The following CNBD1 variants were observed in gnomAD, a reference collection of about 807,000 sequenced individuals.
CNBD1 encodes the protein cyclic nucleotide binding domain containing 1, also known as cyclic nucleotide-binding domain-containing protein 1.
In CNBD1, 71 loss-of-function variants were observed where a neutral mutation model predicts 54.4. The ratio of observed to expected loss-of-function variants is 1.30; its 90% confidence interval spans 1.08 to 1.59. The LOEUF is 1.59. CNBD1 is among the 40% of genes most tolerant of loss of function. The pLI, the probability that CNBD1 is intolerant of heterozygous loss-of-function variation, is 0.00. For synonymous variants in CNBD1, 182 were observed against 170.7 expected, an observed-to-expected ratio of 1.07 and a Z score of -0.51; for missense variants, 659 against 518.0, an observed-to-expected ratio of 1.27 and a Z score of -2.64.
At chr8:87,411,635 A>C (rs1807748617) in intron 2 of CNBD1, among the ~76,000 whole-genome samples, 1 of 148,404 alleles carries the variant, frequency 6.7e-6, no homozygotes, top group Non-Finnish European at 1.5e-5. Flanking sequence ...TTCTGGCATA[A>C]GACATGTGTT....
chr8:86,991,199 C>G (rs7003658), intron 4 of CNBD1, among the ~76,000 whole-genome samples: 143,905 of 152,204 alleles, frequency 0.95, 68,138 homozygotes, highest in East Asian at 1. Flanking sequence ...GCTCTGTCTA[C>G]GATTCCTAGT....
At chr8:87,380,304 C>G (rs1269837944) in intron 10 of CNBD1, among the ~76,000 whole-genome samples, 1 of 151,452 alleles carries the variant, frequency 6.6e-6, no homozygotes, top group Non-Finnish European at 1.5e-5. Flanking sequence ...TTCTTGGCAC[C>G]CTTGTTGAAT....
chr8:87,235,751 G>C (rs958189880), intron 5 of CNBD1, among the ~76,000 whole-genome samples: 1 of 152,160 alleles, frequency 6.6e-6, no homozygotes, highest in Non-Finnish European at 1.5e-5. Flanking sequence ...AGCACATGCT[G>C]TTGGAAAAAT....
At chr8:86,941,685 G>A (rs940536507) in intron 4 of CNBD1, among the ~76,000 whole-genome samples, 20 of 152,154 alleles carry the variant, frequency 1.3e-4, no homozygotes, top group Non-Finnish European at 4.4e-5. Flanking sequence ...AACTACAAAT[G>A]GGTAAGAAGC....
intron 5 of CNBD1, among the ~76,000 whole-genome samples, chr8:87,231,524 A>G (rs1040481429): frequency 6.6e-6 from 1 of 152,216 alleles, no homozygotes; most frequent in Non-Finnish European, 1.5e-5. Flanking sequence ...AAGCAATCAC[A>G]GTGCCTGACT....
In CNBD1 at chr8:86,866,539, C is replaced by T. The variant is rs1470903279; in HGVS notation, c.44C>T (p.Thr15Ile). ...CCAGCAGCTATTTTGTCTCACATGACAGCTATTAACAATGTGCCTCCTCCT... is the reference window on the plus strand; with the variant it reads ...CCAGCAGCTATTTTGTCTCACATGATAGCTATTAACAATGTGCCTCCTCCT... The part of the protein sequence containing the change: ...SLPAAILSHM[T>I]AINNVPPPPL... The change falls in exon 1 of 11, where the codon ACA becomes ATA. Residue 15 changes from threonine (T) to isoleucine (I), a missense_variant. Physicochemically the swap from Thr to Ile is moderately conservative, Grantham distance 89. Coordinates refer to ENST00000518476, the MANE Select transcript of CNBD1 (RefSeq NM_173538.3). The T allele has an allele frequency of 6.2e-7, 1 of 1,612,152 alleles. No individual in the cohort carries two copies. Among genetic ancestry groups the T allele is most frequent in the East Asian group, 2.2e-5 (1 of 44,832 alleles).
intron 1 of CNBD1, among the ~76,000 whole-genome samples, chr8:86,872,243 G>T (rs1808452910): frequency 6.6e-6 from 1 of 151,974 alleles, no homozygotes; most frequent in East Asian, 1.9e-4. Flanking sequence ...CCTGTGTTTG[G>T]GGTTCCCTTT....
intron 10 of CNBD1, among the ~76,000 whole-genome samples, chr8:87,379,052 G>T (rs894651590): frequency 6.6e-6 from 1 of 150,670 alleles, no homozygotes. Flanking sequence ...AGGAGATTTG[G>T]GGCTGAGACA....
chr8:87,174,180 G>A (rs903938156), intron 4 of CNBD1, among the ~76,000 whole-genome samples: 5 of 151,906 alleles, frequency 3.3e-5, no homozygotes, highest in East Asian at 1.9e-4. Flanking sequence ...GGATGGTCTC[G>A]ATCTCTTGAC....
At chr8:87,406,788 A>T (rs555408214) in intron 2 of CNBD1, among the ~76,000 whole-genome samples, 7 of 152,126 alleles carry the variant, frequency 4.6e-5, no homozygotes, top group Non-Finnish European at 8.8e-5. Context: ...CTCAGTTTAC[A>T]TATTAATTCA....
rs147820046 is a variant in CNBD1, at chr8:86,933,295, G to A, written c.273-6301G>A. Among the ~76,000 whole-genome samples the A allele has an allele frequency of 7.0e-3, 1,062 of 151,930 alleles. 32 individuals carry two copies. Among genetic ancestry groups the A allele is most frequent in the Admixed American group, 0.05 (758 of 15,224 alleles). Reference sequence around the variant, plus strand: ...AAGTTTGTATACAAAACAAAAAACCGAACAAACTTAACAAAAATCCAATTC... The same window carrying A: ...AAGTTTGTATACAAAACAAAAAACCAAACAAACTTAACAAAAATCCAATTC... On this transcript the variant is annotated intron_variant, in intron 3 of 10. Coordinates refer to ENST00000518476, the MANE Select transcript of CNBD1 (RefSeq NM_173538.3).
At chr8:87,315,597 G>T (rs1183960553) in intron 8 of CNBD1, among the ~76,000 whole-genome samples, 9 of 151,838 alleles carry the variant, frequency 5.9e-5, no homozygotes, top group African/African-American at 2.2e-4. Flanking sequence ...TTACCCCGAA[G>T]GATGGCATTA....
intron 4 of CNBD1, among the ~76,000 whole-genome samples, chr8:87,002,440 A>G (rs990238341): frequency 6.6e-6 from 1 of 152,126 alleles, no homozygotes; most frequent in Non-Finnish European, 1.5e-5. Flanking sequence ...AGTGTGGTAC[A>G]TGTTTTTCCC....
At chr8:87,013,829 A>T (rs1809275539) in intron 4 of CNBD1, among the ~76,000 whole-genome samples, 1 of 151,712 alleles carries the variant, frequency 6.6e-6, no homozygotes, top group African/African-American at 2.4e-5. Flanking sequence ...GGCACACCGA[A>T]CTTTTTCTCC....
chr8:87,293,118 A>AT (rs1172981627), intron 8 of CNBD1, among the ~76,000 whole-genome samples: 2 of 152,006 alleles, frequency 1.3e-5, no homozygotes, highest in African/African-American at 4.8e-5. Flanking sequence ...TTTTTTCAAC[A>AT]TTTTTTCATT....
intron 3 of CNBD1, among the ~76,000 whole-genome samples, chr8:86,907,270 A>G (rs1809031733): frequency 6.6e-6 from 1 of 152,226 alleles, no homozygotes; most frequent in South Asian, 2.1e-4. Context: ...ACTGTTGTGA[A>G]TTTGCCAATC....
In CNBD1 at chr8:86,958,416, T is replaced by C. The variant is rs564033837; in HGVS notation, c.431+18662T>C. Reference sequence around the variant, plus strand: ...TTCCTGTCTTGTTGTCTGTTTAATGTTGACAGTTGGGTGTTAAAGTCTCCC... The same window carrying C: ...TTCCTGTCTTGTTGTCTGTTTAATGCTGACAGTTGGGTGTTAAAGTCTCCC... On this transcript the variant is annotated intron_variant, in intron 4 of 10. Transcript: ENST00000518476. Among the ~76,000 whole-genome samples the C allele has an allele frequency of 2.0e-5, 3 of 152,348 alleles. No homozygotes were observed. The South Asian group carries it at 6.2e-4, about 32-fold the overall frequency.
chr8:87,080,109 C>T lies in CNBD1; in HGVS notation c.432-125884C>T, dbSNP rs150409394. Among the ~76,000 whole-genome samples the T allele has an allele frequency of 6.4e-3, 974 of 152,252 alleles. 16 individuals carry two copies. The highest frequency in any genetic ancestry group is 0.018 in the East Asian group (93 of 5,192). ...ATTTCTCGTCATCCTTGTCAAAAAT[C>T]AATTGAGCCTACATTTCTGGGTCTA... On this transcript the variant is annotated intron_variant, in intron 4 of 10. Coordinates refer to ENST00000518476, the MANE Select transcript of CNBD1 (RefSeq NM_173538.3).
At chr8:87,038,782 G>T (rs1810002566) in intron 4 of CNBD1, among the ~76,000 whole-genome samples, 1 of 152,162 alleles carries the variant, frequency 6.6e-6, no homozygotes, top group African/African-American at 2.4e-5. Context: ...TAATTAAGAA[G>T]AATTTGGAGG....
Sources: allele counts gnomAD v4.1 joint callset (sites outside exome capture counted in the v4.1 genomes callset), GRCh38; gene constraint gnomAD v4.1.1; transcripts MANE v1.5; gene names NCBI Gene and HGNC (gene_info 2026-07-23, HGNC 2026-07-21).